Variants in BTRC observed in about 807,000 individuals in gnomAD.
The protein encoded by BTRC is F-box/WD repeat-containing protein 1A.
BTRC carries 42 observed loss-of-function variants against 85.5 expected under a neutral mutation model. That is an observed-to-expected ratio of 0.49 (90% CI 0.38 to 0.64). The LOEUF (loss-of-function observed/expected upper bound fraction) is 0.64. Among genes scored for constraint, BTRC ranks in the 30% least tolerant of loss-of-function variants. The pLI is 0.00. For synonymous variants in BTRC, 255 were observed against 263.3 expected (o/e 0.97, Z 0.30); for missense variants, 594 against 743.5 (o/e 0.80, Z 2.34).
chr10:101,475,546 A>G (rs945983137), intron 3 of BTRC, among the ~76,000 whole-genome samples: 1 of 152,052 alleles, frequency 6.6e-6, no homozygotes, highest in Non-Finnish European at 1.5e-5. Flanking sequence ...TCTCAAAACA[A>G]AAACAAAAAC....
chr10:101,549,416 A>G (rs7096565), intron 13 of BTRC, among the ~76,000 whole-genome samples: 95,272 of 151,402 alleles, frequency 0.63, 31,151 homozygotes, highest in East Asian at 0.85. Flanking sequence ...AGGTGACAAA[A>G]CAAGACTCTG....
intron 13 of BTRC, among the ~76,000 whole-genome samples, chr10:101,548,783 AG>A (rs1199942634): frequency 6.6e-6 from 1 of 151,950 alleles, no homozygotes; most frequent in Admixed American, 6.6e-5. Flanking sequence ...GGCTGGGCAC[AG>A]TAGCTAAGGC....
At position 101,526,139 on chromosome 10, in the gene BTRC, T is replaced by C. The variant is rs1472074832; in HGVS notation, c.683T>C (p.Leu228Pro). ...VTSDGMLWKK[L>P]IERMVRTDSL... Reference sequence around the variant, plus strand: ...TCTGATGGCATGCTGTGGAAGAAGCTTATCGAGAGAATGGTCAGGACAGAT... The same window carrying C: ...TCTGATGGCATGCTGTGGAAGAAGCCTATCGAGAGAATGGTCAGGACAGAT... Residue 228 changes from leucine to proline, a missense_variant, in exon 6 of 15, where the codon CTT (leucine) becomes CCT (proline). This residue lies in a region of BTRC where 373 missense variants were observed against 503.6 expected (regional missense o/e 0.74). Transcript: ENST00000370187. 3 of 1,614,140 alleles carry C rather than the reference T, an allele frequency of 1.9e-6. No individual in the cohort carries two copies. The highest frequency in any genetic ancestry group is 2.5e-6 in the Non-Finnish European group (3 of 1,180,018).
In BTRC at chr10:101,533,002, A is replaced by G. The variant is rs746121807; in HGVS notation, c.1029A>G (p.Thr343=). Residue 343 remains threonine (T), a synonymous_variant, in exon 9 of 15, where the codon ACA becomes ACG. Coordinates refer to ENST00000370187, the MANE Select transcript of BTRC (RefSeq NM_033637.4). ...GCAAGCGAATTCTCACAGGCCATAC[A>G]GGTTCAGTCCTCTGTCTCCAGTATG... ...LECKRILTGH[T]GSVLCLQYDE... is the part of the protein sequence containing the mutation. 3 of 1,613,728 alleles carry G rather than the reference A, an allele frequency of 1.9e-6. No homozygotes were observed. The highest frequency in any genetic ancestry group is 2.2e-5 in the South Asian group (2 of 91,060).
chr10:101,430,306 C>T, intron 1 of BTRC, 39 bp from the exon 2 acceptor site: 1 of 1,443,628 alleles, frequency 6.9e-7, no homozygotes, highest in South Asian at 1.2e-5. Flanking sequence ...GCCATCCTGT[C>T]TCATACTGTC....
chr10:101,354,059 C>A, upstream of BTRC: 1 of 1,185,010 alleles, frequency 8.4e-7, no homozygotes, highest in Non-Finnish European at 1.2e-6. Flanking sequence ...TCAGCCTGCG[C>A]CTGAGAGGTA....
At chr10:101,482,829 T>C (rs1404002592) in intron 4 of BTRC, among the ~76,000 whole-genome samples, 2 of 152,202 alleles carry the variant, frequency 1.3e-5, no homozygotes, top group East Asian at 3.9e-4. Flanking sequence ...TCTGCTGCAT[T>C]GATATGGCTG....
intron 13 of BTRC, among the ~76,000 whole-genome samples, chr10:101,540,030 A>G (rs564366299): frequency 2.6e-5 from 4 of 152,314 alleles, no homozygotes; most frequent in African/African-American, 9.6e-5. Context: ...TTACAAATGC[A>G]TTATCAGATG....
chr10:101,495,335 A>G (rs180806134), intron 4 of BTRC, among the ~76,000 whole-genome samples: 52 of 152,346 alleles, frequency 3.4e-4, no homozygotes, highest in African/African-American at 1.2e-3. Context: ...TTCTAAGTAG[A>G]TATTTCTCTC....
intron 4 of BTRC, among the ~76,000 whole-genome samples, chr10:101,508,666 G>A (rs1027497585): frequency 6.6e-6 from 1 of 152,098 alleles, no homozygotes; most frequent in East Asian, 1.9e-4. Context: ...TGTAATCCCA[G>A]CACTTTGGGA....
At chr10:101,446,630 A>G (rs1281509684) in intron 2 of BTRC, among the ~76,000 whole-genome samples, 1 of 152,162 alleles carries the variant, frequency 6.6e-6, no homozygotes, top group Non-Finnish European at 1.5e-5. Context: ...TGCTTTCTAT[A>G]TGGACTAAAA....
At chr10:101,530,911 C>T (rs1271186688) in intron 6 of BTRC, among the ~76,000 whole-genome samples, 2 of 152,158 alleles carry the variant, frequency 1.3e-5, no homozygotes, top group African/African-American at 4.8e-5. Context: ...TGATGGCTCA[C>T]GCCTGTAATC....
chr10:101,552,883 C>T lies in BTRC; in HGVS notation c.*32-272C>T, dbSNP rs112193452. On this transcript the variant is annotated intron_variant, in intron 14 of 14. Coordinates refer to ENST00000370187, the MANE Select transcript of BTRC (RefSeq NM_033637.4). Reference sequence around the variant, plus strand: ...CAGGGCAAGTGAAAGCTATGCCAACCGTGGGCACTCTCAGCCTCAAGACAT... The same window carrying T: ...CAGGGCAAGTGAAAGCTATGCCAACTGTGGGCACTCTCAGCCTCAAGACAT... 1.7e-3 allele frequency among the ~76,000 whole-genome samples: 266 copies of T among 152,294 alleles called. 3 individuals carry two copies. The highest frequency in any genetic ancestry group is 5.5e-3 in the African/African-American group (230 of 41,558).
intron 1 of BTRC, among the ~76,000 whole-genome samples, chr10:101,423,140 C>G (rs1006936853): frequency 7.2e-5 from 11 of 152,088 alleles, no homozygotes; most frequent in African/African-American, 2.4e-4. Context: ...TCTTGAACTC[C>G]TGGTCTCAAG....
chr10:101,427,013 C>G (rs1944268612), intron 1 of BTRC, among the ~76,000 whole-genome samples: 1 of 151,616 alleles, frequency 6.6e-6, no homozygotes, highest in African/African-American at 2.4e-5. Context: ...TTCTCAGATT[C>G]AATCTTTCCT....
intron 4 of BTRC, among the ~76,000 whole-genome samples, chr10:101,486,826 T>C (rs1358021946): frequency 1.3e-5 from 2 of 152,196 alleles, no homozygotes; most frequent in African/African-American, 2.4e-5. Flanking sequence ...TTTGAAGATA[T>C]TATCTCACTG....
rs182742213 is a variant in BTRC, at chr10:101,371,743, G to A, written c.48+17515G>A. Among the ~76,000 whole-genome samples, 17 of 152,220 alleles carry A rather than the reference G, an allele frequency of 1.1e-4. No individual in the cohort carries two copies. The East Asian group carries it at 2.7e-3, about 24-fold the overall frequency. On this transcript the variant is annotated intron_variant, in intron 1 of 14. Coordinates refer to ENST00000370187, the MANE Select transcript of BTRC (RefSeq NM_033637.4). ...ATGTTACAAGTACCTCTTCAAGTCCGTGAGAAGTTTTATTTACCATTTGCA... is the reference window on the plus strand; with the variant it reads ...ATGTTACAAGTACCTCTTCAAGTCCATGAGAAGTTTTATTTACCATTTGCA...
chr10:101,518,450 A>G (rs920159951), intron 4 of BTRC, among the ~76,000 whole-genome samples: 3 of 152,184 alleles, frequency 2.0e-5, no homozygotes, highest in African/African-American at 7.2e-5. Flanking sequence ...GCCTGGGCTT[A>G]GAAGTCCCAG....
chr10:101,427,033 CTG>C (rs148796605), intron 1 of BTRC, among the ~76,000 whole-genome samples: 10,076 of 151,660 alleles, frequency 0.066, 351 homozygotes, highest in Non-Finnish European at 0.074. Flanking sequence ...TTCCGAATGA[CTG>C]TGAGATTTTT....
Sources: gnomAD v4.1 joint callset for allele counts (sites outside exome capture counted in the v4.1 genomes callset) on GRCh38, gnomAD v4.1.1 for gene constraint, gnomAD v4.1.1 regional missense constraint, MANE v1.5 for transcripts, NCBI Gene and HGNC (gene_info 2026-07-23, HGNC 2026-07-21) for gene names.